Variants in TOPAZ1 observed in about 807,000 individuals in gnomAD.
The protein encoded by TOPAZ1 is testis and ovary specific TOPAZ 1.
TOPAZ1 carries 66 observed loss-of-function variants against 172.2 expected under a neutral mutation model. That is an observed-to-expected ratio of 0.38 (90% CI 0.31 to 0.47). The LOEUF (loss-of-function observed/expected upper bound fraction) is 0.47. Ranked by LOEUF, TOPAZ1 falls within the 20% of genes least tolerant of loss-of-function variation. TOPAZ1 has a pLI of 0.99. For missense variants in TOPAZ1, 1,822 were observed against 1,972.4 expected (o/e 0.92, Z 1.44); for synonymous variants, 681 against 683.9 (o/e 1.00, Z 0.07).
intron 11 of TOPAZ1, among the ~76,000 whole-genome samples, chr3:44,289,736 A>ACCT (rs1184039464): frequency 2.5e-4 from 38 of 152,326 alleles, no homozygotes; most frequent in African/African-American, 9.1e-4. Flanking sequence ...TGAAACAGGT[A>ACCT]GCTTCTCCAC....
At chr3:44,309,110 A>G (rs565041352) in intron 15 of TOPAZ1, among the ~76,000 whole-genome samples, 1 of 152,222 alleles carries the variant, frequency 6.6e-6, no homozygotes, top group Non-Finnish European at 1.5e-5. Flanking sequence ...GCTACTTACT[A>G]TCTGGCCATT....
chr3:44,318,917 A>G (rs1700480602), intron 16 of TOPAZ1, among the ~76,000 whole-genome samples: 1 of 151,392 alleles, frequency 6.6e-6, no homozygotes, highest in African/African-American at 2.4e-5. Flanking sequence ...CTTTGCGGGC[A>G]CAGAAACCAC....
At chr3:44,249,750 T>C (rs565347551) in intron 2 of TOPAZ1, among the ~76,000 whole-genome samples, 24 of 152,240 alleles carry the variant, frequency 1.6e-4, no homozygotes, top group Non-Finnish European at 3.1e-4. Flanking sequence ...AGGCCATTTC[T>C]GAAGCACTTG....
At chr3:44,312,265 G>A (rs1045749448) in intron 16 of TOPAZ1, among the ~76,000 whole-genome samples, 2 of 149,038 alleles carry the variant, frequency 1.3e-5, no homozygotes, top group African/African-American at 4.9e-5. Flanking sequence ...AATGTACAGA[G>A]CAGTTGCTAC....
chr3:44,298,245 C>T (rs1364146569), intron 12 of TOPAZ1, among the ~76,000 whole-genome samples: 2 of 152,158 alleles, frequency 1.3e-5, no homozygotes, highest in Non-Finnish European at 2.9e-5. Flanking sequence ...AGGCAGATTA[C>T]TTAAGCCCAG....
At chr3:44,287,987 T>C (rs1400873348) in intron 11 of TOPAZ1, 148 bp downstream of exon 11, 2 of 574,814 alleles carry the variant, frequency 3.5e-6, no homozygotes, top group Non-Finnish European at 6.0e-6. Flanking sequence ...TCTCTTGAAA[T>C]AGGGTTTATA....
chr3:44,312,828 G>T (rs1008574349), intron 16 of TOPAZ1, among the ~76,000 whole-genome samples: 1 of 152,100 alleles, frequency 6.6e-6, no homozygotes, highest in African/African-American at 2.4e-5. Flanking sequence ...TTGAGAAACT[G>T]CCTTTGAATT....
rs559536700 is a variant in TOPAZ1, at chr3:44,326,872, G to A, written c.4676-1378G>A. Among the ~76,000 whole-genome samples the A allele has an allele frequency of 2.0e-5, 3 of 151,962 alleles. No individual in the cohort carries two copies. In the South Asian group the frequency reaches 6.2e-4, roughly 32 times the overall value. ...TTCATTTTGAGTGAAAAAAAAAATC[G>A]TATTAGTAGATTTCTAGTTAATTTT... On this transcript the variant is annotated intron_variant, in intron 18 of 19. Coordinates refer to ENST00000309765, the MANE Select transcript of TOPAZ1 (RefSeq NM_001145030.2).
Position 44,255,662 on chromosome 3 carries a change from A to AT in TOPAZ1, c.2828-489_2828-488insT, listed in dbSNP as rs1553645450. ...GCGAGACTCTGTCTCAAAAAAAAAA[A>AT]ATATATATACACACACACACACACA... On this transcript the variant is annotated intron_variant, in intron 3 of 19. Coordinates refer to ENST00000309765, the MANE Select transcript of TOPAZ1 (RefSeq NM_001145030.2). Among the ~76,000 whole-genome samples, 347 of 79,982 alleles carry AT rather than the reference A, an allele frequency of 4.3e-3. 6 individuals carry two copies. The highest frequency in any genetic ancestry group is 0.017 in the African/African-American group (302 of 17,344). The allele number at this position is 79,982 out of a possible 152,430, so 52.5% of individuals were successfully genotyped here.
At chr3:44,246,764 C>A (rs1699571898) in intron 2 of TOPAZ1, among the ~76,000 whole-genome samples, 1 of 152,082 alleles carries the variant, frequency 6.6e-6, no homozygotes, top group Admixed American at 6.5e-5. Context: ...AACTATGTGA[C>A]CTTTTAGGCA....
Position 44,305,341 on chromosome 3 carries a change from C to T in TOPAZ1, c.4039+20C>T, listed in dbSNP as rs1453394025. ...AAACAGGTAAAATGTAACTATTGGCCTGAATATTGTGTATGAGGATGGTGC... is the reference window on the plus strand; with the variant it reads ...AAACAGGTAAAATGTAACTATTGGCTTGAATATTGTGTATGAGGATGGTGC... On this transcript the variant is annotated intron_variant, in intron 14 of 19. Coordinates refer to ENST00000309765, the MANE Select transcript of TOPAZ1 (RefSeq NM_001145030.2). 1.5e-5 allele frequency: 23 copies of T among 1,514,230 alleles called. No individual in the cohort carries two copies. Among genetic ancestry groups the T allele is most frequent in the South Asian group, 7.8e-5 (6 of 77,390 alleles). 93.8% of individuals were successfully genotyped at this position (1,514,230 alleles called of 1,614,324 possible).
At chr3:44,267,759 A>T (rs1002465257) in intron 6 of TOPAZ1, among the ~76,000 whole-genome samples, 1 of 152,208 alleles carries the variant, frequency 6.6e-6, no homozygotes, top group African/African-American at 2.4e-5. Flanking sequence ...TTTGAACAAA[A>T]TAGACTACAT....
Position 44,256,166 on chromosome 3 carries a change from G to A in TOPAZ1, c.2843G>A (p.Arg948His), listed in dbSNP as rs369154260. 3.0e-4 allele frequency: 455 copies of A among 1,505,292 alleles called. No individual in the cohort carries two copies. In the African/African-American group the frequency reaches 5.7e-3, roughly 19 times the overall value. 93.2% of individuals were successfully genotyped at this position (1,505,292 alleles called of 1,614,324 possible). ...TTCTTTTCAGAAAGTGAAATAAAAC[G>A]TGATCCCAAAGATGTAAACACTTCC... ...ASNSAESEIK[R>H]DPKDVNTSLG... The change falls in exon 4 of 20, where the codon CGT (arginine) becomes CAT (histidine). Residue 948 changes from arginine (R) to histidine (H), a missense_variant. Arg to His is a conservative substitution (Grantham distance 29). Transcript: ENST00000309765.
chr3:44,256,326 G>A (rs1309516983), intron 4 of TOPAZ1, 48 bp downstream of exon 4: 11 of 1,483,394 alleles, frequency 7.4e-6, no homozygotes, highest in Non-Finnish European at 8.9e-6. Flanking sequence ...CTTAAATAGT[G>A]GTAATGCATA....
At chr3:44,269,968 A>G (rs922203301) in intron 7 of TOPAZ1, among the ~76,000 whole-genome samples, 8 of 152,132 alleles carry the variant, frequency 5.3e-5, no homozygotes, top group African/African-American at 1.9e-4. Flanking sequence ...TGGATTTTGA[A>G]TGGAGGTTTG....
intron 4 of TOPAZ1, among the ~76,000 whole-genome samples, chr3:44,260,124 T>G (rs1290214224): frequency 6.6e-6 from 1 of 152,184 alleles, no homozygotes; most frequent in African/African-American, 2.4e-5. Context: ...CCCTTCACCT[T>G]GTGTAAGTTT....
At position 44,282,051 on chromosome 3, in the gene TOPAZ1, T is replaced by C; in HGVS notation, c.3436+20T>C. 7.0e-7 allele frequency: 1 copy of C among 1,433,208 alleles called. No individual in the cohort carries two copies. Among genetic ancestry groups the C allele is most frequent in the Non-Finnish European group, 9.5e-7 (1 of 1,049,502 alleles). The allele number at this position is 1,433,208 out of a possible 1,614,324, so 88.8% of individuals were successfully genotyped here. ...GTGCAGGTATGAAACAATTAAATAA[T>C]TAGTATGAAGCTATTAATGTGTTGT... On this transcript the variant is annotated intron_variant, in intron 9 of 19. Coordinates refer to ENST00000309765, the MANE Select transcript of TOPAZ1 (RefSeq NM_001145030.2).
At chr3:44,287,325 A>G in intron 9 of TOPAZ1, 64 bp from the exon 10 acceptor site, 3 of 949,850 alleles carry the variant, frequency 3.2e-6, no homozygotes, top group Non-Finnish European at 4.3e-6. Context: ...AAAAATTATC[A>G]AATTTAAGAA....
intron 2 of TOPAZ1, among the ~76,000 whole-genome samples, chr3:44,245,581 G>A (rs1699555480): frequency 7.6e-6 from 1 of 132,056 alleles, no homozygotes; most frequent in African/African-American, 2.8e-5. Flanking sequence ...CTGTCACCCA[G>A]GCTGGAGTGC....
Sources: allele counts gnomAD v4.1 joint callset (sites outside exome capture counted in the v4.1 genomes callset), GRCh38; gene constraint gnomAD v4.1.1; transcripts MANE v1.5; gene names NCBI Gene and HGNC (gene_info 2026-07-23, HGNC 2026-07-21).